The following IL1A variants were observed in gnomAD, a reference collection of about 807,000 sequenced individuals.
IL1A encodes the protein interleukin-1 alpha.
IL1A carries 16 observed loss-of-function variants against 22.2 expected under a neutral mutation model. That is an observed-to-expected ratio of 0.72 (90% confidence interval 0.49 to 1.09). The LOEUF (loss-of-function observed/expected upper bound fraction) is 1.09, where lower values mean the gene tolerates loss of function less well. IL1A is among the 50% of genes least tolerant of loss of function. IL1A has a pLI of 0.00. For missense variants in IL1A, 317 were observed against 321.8 expected, an observed-to-expected ratio of 0.99 and a Z score of 0.11; for synonymous variants, 113 against 118.5, an observed-to-expected ratio of 0.95 and a Z score of 0.30.
At chr2:112,775,321 T>C (rs996049760) in intron 6 of IL1A, 54 bp from the exon 7 acceptor site, 2 of 1,416,226 alleles carry the variant, frequency 1.4e-6, no homozygotes. Flanking sequence ...GAAAAAGGAC[T>C]GAAGCTCAAT....
In IL1A at chr2:112,774,862, A is replaced by G. The variant is rs1573249814; in HGVS notation, c.*205T>C. The stretch of plus-strand genomic sequence containing the variant: ...AATAATAATTAAAATGATTGGTACT[A>G]TGCAAAATATAGGGTGTTCTTTAAA... On this transcript the variant is annotated 3_prime_UTR_variant, in exon 7 of 7. Coordinates refer to ENST00000263339, the MANE Select transcript of IL1A (RefSeq NM_000575.5). The G allele has an allele frequency of 1.9e-6, 1 of 540,046 alleles. No homozygotes were observed. Among genetic ancestry groups the G allele is most frequent in the Non-Finnish European group, 3.3e-6 (1 of 300,622 alleles). The allele number at this position is 540,046 out of a possible 1,614,324, so 33.5% of individuals were successfully genotyped here.
chr2:112,780,855 C>T (rs1681185089), intron 4 of IL1A, among the ~76,000 whole-genome samples: 1 of 151,952 alleles, frequency 6.6e-6, no homozygotes, highest in South Asian at 2.1e-4. Context: ...TCCGTCTCTA[C>T]TAAAAATACA....
chr2:112,774,907 T>C lies in IL1A; in HGVS notation c.*160A>G. On this transcript the variant is annotated 3_prime_UTR_variant, in exon 7 of 7. Transcript: ENST00000263339. ...TTTAAATAACAACATTATATGTTAG[T>C]GTTGGTTCCACTCTTACAAAGAGTG... The C allele has an allele frequency of 5.0e-6, 3 of 604,622 alleles. No homozygotes were observed. Among genetic ancestry groups the C allele is most frequent in the Non-Finnish European group, 8.9e-6 (3 of 338,028 alleles). The allele number at this position is 604,622 out of a possible 1,614,324, so 37.5% of individuals were successfully genotyped here.
In IL1A at chr2:112,779,622, C is replaced by T; in HGVS notation, c.364G>A (p.Val122Met). ...ATGATCCTCATAAAGTTGTATTTCA[C>T]ATTGCTCAGGAAGCTAAAAGGTGCT... is the stretch of plus-strand genomic sequence containing the variant. ...RSAPFSFLSN[V>M]KYNFMRIIKY... is the part of the protein sequence containing the mutation. Residue 122 changes from valine (V) to methionine (M), a missense_variant, in exon 5 of 7, where the codon GTG (valine) becomes ATG (methionine). By Grantham distance (21) the Val-to-Met change is conservative (BLOSUM62 1). Coordinates refer to ENST00000263339, the MANE Select transcript of IL1A (RefSeq NM_000575.5). 6.2e-7 allele frequency: 1 copy of T among 1,612,408 alleles called. No individual in the cohort carries two copies. Among genetic ancestry groups the T allele is most frequent in the Non-Finnish European group, 8.5e-7 (1 of 1,178,636 alleles).
chr2:112,774,572 G>T lies in IL1A; in HGVS notation c.*495C>A, dbSNP rs1681063846. 6.5e-6 allele frequency: 1 copy of T among 153,216 alleles called. No homozygotes were observed. Among genetic ancestry groups the T allele is most frequent in the Non-Finnish European group, 1.5e-5 (1 of 68,804 alleles). 9.5% of individuals were successfully genotyped at this position (153,216 alleles called of 1,614,324 possible). A position where few individuals can be genotyped will look rare whatever the true frequency, so the allele number is the denominator to read the frequency against. Reference sequence around the variant, plus strand: ...AAACTGTTGCGGCAGGAAGGCTTAGGTATTATTCCCTCCATTTTGAAAATG... The same window carrying T: ...AAACTGTTGCGGCAGGAAGGCTTAGTTATTATTCCCTCCATTTTGAAAATG... On this transcript the variant is annotated 3_prime_UTR_variant, in exon 7 of 7. Coordinates refer to ENST00000263339, the MANE Select transcript of IL1A (RefSeq NM_000575.5).
At chr2:112,781,888 A>G (rs1274811600) in intron 3 of IL1A, 62 bp from the exon 4 acceptor site, 2 of 1,166,898 alleles carry the variant, frequency 1.7e-6, no homozygotes, top group African/African-American at 1.5e-5. Context: ...AAGTTCTTTC[A>G]GTAGGTGCTG....
At position 112,774,467 on chromosome 2, in the gene IL1A, A is replaced by T. The variant is rs1169147121; in HGVS notation, c.*600T>A. Reference sequence around the variant, plus strand: ...CATATATAAATAATAATTAAAAAATAACATTTCGTGCTTTGCCTTCATCTT... The same window carrying T: ...CATATATAAATAATAATTAAAAAATTACATTTCGTGCTTTGCCTTCATCTT... On this transcript the variant is annotated 3_prime_UTR_variant, in exon 7 of 7. Transcript: ENST00000263339. The T allele has an allele frequency of 6.6e-6, 1 of 151,324 alleles. No individual in the cohort carries two copies. The highest frequency in any genetic ancestry group is 2.4e-5 in the African/African-American group (1 of 41,328). The allele number at this position is 151,324 out of a possible 1,614,324, so 9.4% of individuals were successfully genotyped here. A position where few individuals can be genotyped will look rare whatever the true frequency, so the allele number is the denominator to read the frequency against.
chr2:112,781,805 A>G lies in IL1A; in HGVS notation c.118T>C (p.Tyr40His). The G allele has an allele frequency of 6.2e-7, 1 of 1,613,606 alleles. No individual in the cohort carries two copies. The highest frequency in any genetic ancestry group is 8.5e-7 in the Non-Finnish European group (1 of 1,179,474). Residue 40 changes from tyrosine to histidine, a missense_variant, in exon 4 of 7, where the codon TAT becomes CAT. Transcript: ENST00000263339. ...ATGCAGCCTTCATGGAGTGGGCCATAGCTTACATGATAGAAGGATTTCTGT... is the reference window on the plus strand; with the variant it reads ...ATGCAGCCTTCATGGAGTGGGCCATGGCTTACATGATAGAAGGATTTCTGT... The part of the protein sequence containing the change: ...LNQKSFYHVS[Y>H]GPLHEGCMDQ...
At chr2:112,778,552 T>C (rs1430786536) in intron 5 of IL1A, among the ~76,000 whole-genome samples, 3 of 152,226 alleles carry the variant, frequency 2.0e-5, no homozygotes, top group Non-Finnish European at 4.4e-5. Flanking sequence ...TACAGAATAA[T>C]GTTTAATAAG....
intron 4 of IL1A, among the ~76,000 whole-genome samples, chr2:112,780,609 C>T (rs145343089): frequency 1.2e-4 from 18 of 152,274 alleles, no homozygotes; most frequent in African/African-American, 4.3e-4. Context: ...GGGCAGTTTA[C>T]CTATCTCAAT....
chr2:112,782,881 C>A, intron 2 of IL1A, 117 bp from the exon 3 acceptor site: 1 of 696,102 alleles, frequency 1.4e-6, no homozygotes, highest in East Asian at 2.6e-5. Context: ...CCATTACTGT[C>A]ATCTTTGAAA....
At chr2:112,784,026 T>C (rs1434675735) in intron 1 of IL1A, among the ~76,000 whole-genome samples, 2 of 152,268 alleles carry the variant, frequency 1.3e-5, no homozygotes, top group African/African-American at 4.8e-5. Context: ...CCTAATGTAT[T>C]GCCAGAACAG....
chr2:112,775,407 C>T (rs547629579), intron 6 of IL1A, 140 bp from the exon 7 acceptor site: 223 of 634,994 alleles, frequency 3.5e-4, no homozygotes, highest in Non-Finnish European at 5.5e-4. Flanking sequence ...GCTCTTCATT[C>T]ATTTGTTCAT....
At chr2:112,775,874 T>C (rs1011411089) in intron 6 of IL1A, among the ~76,000 whole-genome samples, 2 of 152,236 alleles carry the variant, frequency 1.3e-5, no homozygotes, top group Non-Finnish European at 2.9e-5. Context: ...AACAATACTT[T>C]TATGGAAAAA....
At chr2:112,779,741 G>T in intron 4 of IL1A, 75 bp from the exon 5 acceptor site, 1 of 1,064,964 alleles carries the variant, frequency 9.4e-7, no homozygotes, top group Non-Finnish European at 1.3e-6. Flanking sequence ...AGTACAAACA[G>T]GGAAAATAGT....
chr2:112,779,689 A>G, intron 4 of IL1A, 23 bp from the exon 5 acceptor site: 2 of 1,574,472 alleles, frequency 1.3e-6, no homozygotes, highest in Non-Finnish European at 1.7e-6. Flanking sequence ...TCACAAGTGC[A>G]GATTAATGTC....
rs575995009 is a variant in IL1A at position 112,782,203 on chromosome 2, G to A, written c.97-377C>T. Among the ~76,000 whole-genome samples the A allele has an allele frequency of 2.0e-5, 3 of 152,292 alleles. No individual in the cohort carries two copies. The South Asian group carries it at 6.2e-4, about 32-fold the overall frequency. ...TACTCCTTTGGGGACAGCTTTTAAA[G>A]CCAGTACTGAAGACATACTAGGCAG... is the stretch of plus-strand genomic sequence containing the variant. On this transcript the variant is annotated intron_variant, in intron 3 of 6. Transcript: ENST00000263339.
intron 5 of IL1A, 72 bp from the exon 6 acceptor site, chr2:112,778,183 G>C (rs1573251958): frequency 1.1e-5 from 14 of 1,325,134 alleles, no homozygotes; most frequent in Non-Finnish European, 1.5e-5. Context: ...GATGTAGATT[G>C]TGTGTGCATG....
At chr2:112,783,893 C>G in intron 1 of IL1A, 115 bp from the exon 2 acceptor site, 1 of 858,444 alleles carries the variant, frequency 1.2e-6, no homozygotes, top group Admixed American at 1.8e-5. Flanking sequence ...ACTTAGTCCA[C>G]ATTCAGCATT....
Sources: gnomAD v4.1 joint callset for allele counts (sites outside exome capture counted in the v4.1 genomes callset) on GRCh38, gnomAD v4.1.1 for gene constraint, MANE v1.5 for transcripts, NCBI Gene and HGNC (gene_info 2026-07-23, HGNC 2026-07-21) for gene names.